The following RAB11FIP3 variants were observed in gnomAD, a reference collection of about 807,000 sequenced individuals.
RAB11FIP3 encodes rab11 family-interacting protein 3.
Under a neutral mutation model 77.8 loss-of-function variants are expected in RAB11FIP3, and 17 were observed. The observed-to-expected ratio is 0.22, with a 90% CI of 0.15 to 0.33. The LOEUF is 0.33. Ranked by LOEUF, RAB11FIP3 falls within the 10% of genes least tolerant of loss-of-function variation. The pLI is 1.00. For synonymous variants in RAB11FIP3, 437 were observed against 448.2 expected, an observed-to-expected ratio of 0.98 and a Z score of 0.31; for missense variants, 1,005 against 1,011.2, an observed-to-expected ratio of 0.99 and a Z score of 0.08.
chr16:433,134 T>C (rs76153474), intron 1 of RAB11FIP3, among the ~76,000 whole-genome samples: 1 of 734 alleles, frequency 1.4e-3, no homozygotes, highest in Non-Finnish European at 2.4e-3. Context: ...CCCGGGTTGA[T>C]GCCATTCTCC....
chr16:471,487 T>A lies in RAB11FIP3; in HGVS notation c.903+98T>A. On this transcript the variant is annotated intron_variant, in intron 3 of 13. Coordinates refer to ENST00000262305, the MANE Select transcript of RAB11FIP3 (RefSeq NM_014700.4). This position sits in a 1 kb window ranked among gnomAD's most constrained non-coding sequence, Gnocchi z 4.4. ...CCTCCTGCCTCCGGGCTGTCTTCCG[T>A]AGAAGCTGGCGTGAAGGAAGGGCCT... 9.1e-7 allele frequency: 1 copy of A among 1,093,102 alleles called. No individual in the cohort carries two copies. The highest frequency in any genetic ancestry group is 1.4e-6 in the Non-Finnish European group (1 of 736,414). 67.7% of individuals were successfully genotyped at this position (1,093,102 alleles called of 1,614,324 possible). A position where few individuals can be genotyped will look rare whatever the true frequency, so the allele number is the denominator to read the frequency against.
intron 2 of RAB11FIP3, among the ~76,000 whole-genome samples, chr16:463,525 G>A (rs2055653519): frequency 1.5e-5 from 2 of 136,234 alleles, no homozygotes; most frequent in South Asian, 2.6e-4. Flanking sequence ...TGCAACCTCC[G>A]CCTCTCGGGT....
At chr16:465,185 C>T (rs886704076) in intron 2 of RAB11FIP3, among the ~76,000 whole-genome samples, 6 of 151,934 alleles carry the variant, frequency 3.9e-5, no homozygotes, top group Non-Finnish European at 8.8e-5. Flanking sequence ...GTTTCGTCTT[C>T]ACTCTTAAGT....
At position 461,524 on chromosome 16, in the gene RAB11FIP3, ACCT is replaced by A; in HGVS notation, c.808+32_808+34del. On this transcript the variant is annotated intron_variant, in intron 2 of 13. Coordinates refer to ENST00000262305, the MANE Select transcript of RAB11FIP3 (RefSeq NM_014700.4). The surrounding 1 kb of genome is among the most constrained non-coding windows in gnomAD (Gnocchi z 4.5). ...TCAGTCATCCCCGCCATGAGCTCCC[ACCT>A]CCTCTCCCGTTCCTCAGCCACCCTC... 1 of 1,587,986 alleles carries A rather than the reference ACCT, an allele frequency of 6.3e-7. No individual in the cohort carries two copies. The highest frequency in any genetic ancestry group is 8.6e-7 in the Non-Finnish European group (1 of 1,157,744).
chr16:457,601 T>A (rs886201802), intron 1 of RAB11FIP3, among the ~76,000 whole-genome samples: 2 of 151,938 alleles, frequency 1.3e-5, no homozygotes, highest in African/African-American at 4.8e-5. Flanking sequence ...ATGAAATCCA[T>A]CTGTTCTACA....
chr16:467,944 G>C (rs1220124686), intron 2 of RAB11FIP3, among the ~76,000 whole-genome samples: 50 of 110,900 alleles, frequency 4.5e-4, no homozygotes, highest in African/African-American at 1.4e-3. Flanking sequence ...GTGCAGGGGC[G>C]TCAGGGAGGA....
intron 1 of RAB11FIP3, among the ~76,000 whole-genome samples, chr16:450,843 C>A (rs2055396079): frequency 7.5e-6 from 1 of 132,628 alleles, no homozygotes. Flanking sequence ...CTCCCCGCCC[C>A]CCACCCCACC....
chr16:510,856 G>A (rs531247298), intron 9 of RAB11FIP3, 56 bp downstream of exon 9: 52 of 1,577,330 alleles, frequency 3.3e-5, no homozygotes, highest in Non-Finnish European at 4.2e-5. Flanking sequence ...GGTAGGAGAC[G>A]GTCCCCAACA....
At position 447,702 on chromosome 16, in the gene RAB11FIP3, C is replaced by T. The variant is rs139731212; in HGVS notation, c.715-13702C>T. 8.9e-4 allele frequency among the ~76,000 whole-genome samples: 135 copies of T among 152,266 alleles called. 2 individuals carry two copies. In the East Asian group the frequency reaches 0.022, roughly 25 times the overall value. On this transcript the variant is annotated intron_variant, in intron 1 of 13. Coordinates refer to ENST00000262305, the MANE Select transcript of RAB11FIP3 (RefSeq NM_014700.4). ...GCAGTGAGCCGAGATCGCGCCACTG[C>T]GCTCCAGCCTGGGCAACAGAGCGAG...
intron 1 of RAB11FIP3, chr16:439,364 G>A (rs1381412911): frequency 6.6e-6 from 1 of 152,230 alleles, no homozygotes; most frequent in African/African-American, 2.4e-5. Flanking sequence ...ATTGTGATCA[G>A]TTAGTTGTAA....
rs1159403676 is a variant in RAB11FIP3, at chr16:514,765, CT to C, written c.1640+3966del. Among the ~76,000 whole-genome samples the C allele has an allele frequency of 2.6e-5, 4 of 152,180 alleles. No homozygotes were observed. The highest frequency in any genetic ancestry group is 2.6e-4 in the Admixed American group (4 of 15,278). On this transcript the variant is annotated intron_variant, in intron 9 of 13. Transcript: ENST00000262305. This position sits in a 1 kb window ranked among gnomAD's most constrained non-coding sequence, Gnocchi z 4.6. ...GGAGCCCCTGGCAGGCTGCAGAGAG[CT>C]GGAGTGAAGGCTGATGGGGCCACAG... is the stretch of plus-strand genomic sequence containing the variant.
Position 507,590 on chromosome 16 carries a change from T to C in RAB11FIP3, c.1499+1963T>C, listed in dbSNP as rs556654926. ...TGACTGTGGAGGTTTCATTTGAGTC[T>C]GGAGTATGTTCATCTGTTTTCCGTG... On this transcript the variant is annotated intron_variant, in intron 8 of 13. Transcript: ENST00000262305. This position sits in a 1 kb window ranked among gnomAD's most constrained non-coding sequence, Gnocchi z 4.6. Among the ~76,000 whole-genome samples the C allele has an allele frequency of 6.6e-6, 1 of 152,352 alleles. No homozygotes were observed. The highest frequency in any genetic ancestry group is 1.9e-4 in the East Asian group (1 of 5,180).
intron 9 of RAB11FIP3, among the ~76,000 whole-genome samples, chr16:511,205 A>G (rs2032139511): frequency 8.5e-6 from 1 of 117,138 alleles, no homozygotes; most frequent in Admixed American, 8.4e-5. Context: ...GAGGTTCCCG[A>G]CGGCCCGCCC....
Position 432,173 on chromosome 16 carries a change from A to T in RAB11FIP3, c.714+5453A>T, listed in dbSNP as rs146408959. Among the ~76,000 whole-genome samples, 1,377 of 152,240 alleles carry T rather than the reference A, an allele frequency of 9.0e-3. 22 individuals carry two copies. The highest frequency in any genetic ancestry group is 0.032 in the African/African-American group (1,309 of 41,548). ...CAAGGCGGGTGGATCATCTGAGATCAGGAGACCAGCCTGGCCAACATGGTG... is the reference window on the plus strand; with the variant it reads ...CAAGGCGGGTGGATCATCTGAGATCTGGAGACCAGCCTGGCCAACATGGTG... On this transcript the variant is annotated intron_variant, in intron 1 of 13. Transcript: ENST00000262305.
chr16:501,799 T>C (rs1390642943), intron 6 of RAB11FIP3, among the ~76,000 whole-genome samples: 109 of 95,784 alleles, frequency 1.1e-3, no homozygotes, highest in Middle Eastern at 8.9e-3. Context: ...GGCAAGGAAG[T>C]TCAGAGAGGG....
In RAB11FIP3 at chr16:505,563, G is replaced by A. The variant is rs144232739; in HGVS notation, c.1435G>A (p.Asp479Asn). The A allele has an allele frequency of 6.2e-7, 1 of 1,608,056 alleles. No individual in the cohort carries two copies. Among genetic ancestry groups the A allele is most frequent in the Non-Finnish European group, 8.5e-7 (1 of 1,179,714 alleles). Reference protein sequence around the residue: ...LERRVLELEKDTAATGEQHSR... With the variant: ...LERRVLELEKNTAATGEQHSR... Reference sequence around the variant, plus strand: ...AAGGCGTGTGCTGGAGCTGGAAAAGGACACGGCAGCCACCGGTGAGCAACA... The same window carrying A: ...AAGGCGTGTGCTGGAGCTGGAAAAGAACACGGCAGCCACCGGTGAGCAACA... The change falls in exon 8 of 14, where the codon GAC becomes AAC. Residue 479 changes from aspartate (D) to asparagine (N), a missense_variant. Asp to Asn is a conservative substitution (Grantham distance 23, BLOSUM62 1). Around this residue, in one of 4 missense-constraint regions of RAB11FIP3, gnomAD observed 433 missense variants for 436.1 expected, o/e 0.99. Transcript: ENST00000262305. This position sits in a 1 kb window ranked among gnomAD's most constrained non-coding sequence, Gnocchi z 4.0.
intron 1 of RAB11FIP3, chr16:451,303 C>T (rs543882421): frequency 2.3e-4 from 35 of 152,300 alleles, no homozygotes; most frequent in African/African-American, 6.3e-4. Context: ...CCCCACACCT[C>T]ACCCCTGTAC....
At position 425,662 on chromosome 16, in the gene RAB11FIP3, T is replaced by A; in HGVS notation, c.-345T>A. The A allele has an allele frequency of 8.9e-6, 2 of 225,252 alleles. No homozygotes were observed. The highest frequency in any genetic ancestry group is 1.8e-5 in the Non-Finnish European group (2 of 114,212). 14.0% of individuals were successfully genotyped at this position (225,252 alleles called of 1,614,324 possible). ...CTCAGGCGCCTCAGCCTCCTTAGTC[T>A]CCTCATCCTGCTTCACAGGCTCCGC... On this transcript the variant is annotated 5_prime_UTR_variant, in exon 1 of 14. Coordinates refer to ENST00000262305, the MANE Select transcript of RAB11FIP3 (RefSeq NM_014700.4).
chr16:429,273 C>T (rs2054998627), intron 1 of RAB11FIP3, among the ~76,000 whole-genome samples: 1 of 152,098 alleles, frequency 6.6e-6, no homozygotes, highest in South Asian at 2.1e-4. Context: ...TATATCATTT[C>T]TTCCATAAAT....
Sources: allele counts gnomAD v4.1 joint callset (sites outside exome capture counted in the v4.1 genomes callset), GRCh38; gene constraint gnomAD v4.1.1; regional missense constraint gnomAD v4.1.1; non-coding constraint Gnocchi (gnomAD v3.1); transcripts MANE v1.5; gene names NCBI Gene and HGNC (gene_info 2026-07-23, HGNC 2026-07-21).